NIN: variants seen among roughly 807,000 people sequenced by gnomAD.
NIN encodes ninein.
A neutral mutation model predicts 257.6 loss-of-function variants in NIN; 137 were observed. The ratio of observed to expected loss-of-function variants is 0.53; its 90% CI spans 0.46 to 0.61. NIN has a LOEUF of 0.61. Among genes scored for constraint, NIN ranks in the 20% least tolerant of loss-of-function variants. The pLI, the probability that NIN is intolerant of heterozygous loss-of-function variation, is 0.00. For missense variants in NIN, 2,439 were observed against 2,501.2 expected (o/e 0.98, Z 0.53); for synonymous variants, 918 against 919.8 (o/e 1.00, Z 0.04).
At chr14:50,763,709 AATTC>A in intron 15 of NIN, 113 bp downstream of exon 15, 16 of 755,748 alleles carry the variant, frequency 2.1e-5, no homozygotes, top group Admixed American at 3.9e-5. Flanking sequence ...AGTATGGCCA[AATTC>A]TTTTTTTTTT....
At chr14:50,732,678 C>T (rs1020272328) in intron 28 of NIN, among the ~76,000 whole-genome samples, 2 of 152,106 alleles carry the variant, frequency 1.3e-5, no homozygotes, top group Admixed American at 6.5e-5. Context: ...ATGCGAACTA[C>T]ATAATATGTG....
chr14:50,825,311 T>C (rs762004741), intron 2 of NIN, among the ~76,000 whole-genome samples: 1 of 152,224 alleles, frequency 6.6e-6, no homozygotes, highest in Non-Finnish European at 1.5e-5. Context: ...GTGTACTATG[T>C]ATATAAACAT....
At chr14:50,829,615 G>C (rs2045608486) in intron 2 of NIN, among the ~76,000 whole-genome samples, 1 of 152,210 alleles carries the variant, frequency 6.6e-6, no homozygotes, top group Non-Finnish European at 1.5e-5. Flanking sequence ...GCCCATCTTA[G>C]AAGTCCTCAA....
chr14:50,778,308 G>A (rs1444835877), intron 6 of NIN, among the ~76,000 whole-genome samples: 1 of 152,110 alleles, frequency 6.6e-6, no homozygotes, highest in Non-Finnish European at 1.5e-5. Context: ...CTTCTGAGTA[G>A]CTGGGACGAC....
At chr14:50,772,267 A>T (rs1272386873) in intron 9 of NIN, 34 bp downstream of exon 9, 1 of 1,550,840 alleles carries the variant, frequency 6.4e-7, no homozygotes, top group Non-Finnish European at 8.8e-7. Flanking sequence ...ACCCTTCTCC[A>T]GTTTGTCATT....
rs760111076 is a variant in NIN at position 50,757,763 on chromosome 14, A to C, written c.3267T>G (p.Ser1089=). ...ACTTTTGTAGCCTCTGTTGCAATCT[A>C]GAAATTTCAGTAGCCATTTTCACAT... ...KENVKMATEI[S]RLQQRLQKLE... The change falls in exon 18 of 31, where the codon TCT becomes TCG. Residue 1089 remains serine (S), a synonymous_variant. Transcript: ENST00000530997. 4 of 1,614,034 alleles carry C rather than the reference A, an allele frequency of 2.5e-6. No homozygotes were observed. In the African/African-American group the frequency reaches 5.3e-5, roughly 22 times the overall value.
intron 12 of NIN, among the ~76,000 whole-genome samples, chr14:50,769,086 G>C (rs1228346705): frequency 6.6e-6 from 1 of 152,200 alleles, no homozygotes; most frequent in Non-Finnish European, 1.5e-5. Context: ...TTTGATGTGT[G>C]GAGTATCAAG....
At position 50,723,660 on chromosome 14, in the gene NIN, T is replaced by C; in HGVS notation, c.6205A>G (p.Thr2069Ala). The C allele has an allele frequency of 1.2e-6, 2 of 1,613,840 alleles. No individual in the cohort carries two copies. The highest frequency in any genetic ancestry group is 8.5e-7 in the Non-Finnish European group (1 of 1,179,740). Residue 2069 changes from threonine to alanine, a missense_variant, in exon 31 of 31, where the codon ACT (threonine) becomes GCT (alanine). This residue lies in a region of NIN where 2,043 missense variants were observed against 2,050.2 expected (regional missense o/e 1.00). Transcript: ENST00000530997. ...NQLKEQLCKN[T>A]KADAMVKDLY... ...TCCTTCACCATTGCGTCTGCCTTAG[T>C]GTTCTTGCAGAGCTAGAAACAGAAC...
In NIN at chr14:50,757,151, C is replaced by T; in HGVS notation, c.3879G>A (p.Glu1293=). The stretch of plus-strand genomic sequence containing the variant: ...CAGTGACTTCCTCCATTTTCTTCAG[C>T]TCATCCTGCAACCTGAAAACCTCTG... ...LTAEVFRLQD[E]LKKMEEVTET... The change falls in exon 18 of 31, where the codon GAG becomes GAA. Residue 1293 remains glutamate (E), a synonymous_variant. Transcript: ENST00000530997. 1 of 1,612,594 alleles carries T rather than the reference C, an allele frequency of 6.2e-7. No homozygotes were observed. The highest frequency in any genetic ancestry group is 1.1e-5 in the South Asian group (1 of 90,798).
rs370154746 is a variant in NIN, at chr14:50,758,536, C to T, written c.2494G>A (p.Ala832Thr). ...CQKVTERCESALQSLEGRYRQ... is the reference protein window; with the variant it reads ...CQKVTERCESTLQSLEGRYRQ... ...TAGCGCCCCTCCAGGCTTTGCAGAG[C>T]GCTTTCACACCTCTCAGTGACTTTC... The change falls in exon 18 of 31, where the codon GCT becomes ACT. Residue 832 changes from alanine to threonine, a missense_variant. This residue lies in a region of NIN where 2,043 missense variants were observed against 2,050.2 expected (regional missense o/e 1.00). Coordinates refer to ENST00000530997, the MANE Select transcript of NIN (RefSeq NM_020921.4). 12 of 1,613,924 alleles carry T rather than the reference C, an allele frequency of 7.4e-6. No homozygotes were observed. The highest frequency in any genetic ancestry group is 6.7e-5 in the African/African-American group (5 of 74,926).
intron 3 of NIN, among the ~76,000 whole-genome samples, chr14:50,815,094 G>A (rs77367944): frequency 0.24 from 37,111 of 152,106 alleles, 4,664 homozygotes; most frequent in East Asian, 0.31. Flanking sequence ...TATCATTAGA[G>A]TGAACAGACA....
rs1312803005 is a variant in NIN, at chr14:50,806,776, A to G, written c.226T>C (p.Ser76Pro). The stretch of plus-strand genomic sequence containing the variant: ...TGTTCTTCATTTGACAGAGTTCTGG[A>G]CAAGATGAGTATTAATGCTTCTTTA... Reference protein sequence around the residue: ...QFKEALILILSRTLSNEEHFQ... With the variant: ...QFKEALILILPRTLSNEEHFQ... Residue 76 changes from serine to proline, a missense_variant, in exon 4 of 31, where the codon TCC becomes CCC. By Grantham distance (74) the Ser-to-Pro change is moderately conservative (BLOSUM62 -1). Coordinates refer to ENST00000530997, the MANE Select transcript of NIN (RefSeq NM_020921.4). The G allele has an allele frequency of 6.3e-7, 1 of 1,588,920 alleles. No homozygotes were observed. The highest frequency in any genetic ancestry group is 1.7e-5 in the Admixed American group (1 of 59,586).
intron 28 of NIN, among the ~76,000 whole-genome samples, chr14:50,734,086 ATTTTTTT>A (rs200910856): frequency 6.5e-5 from 9 of 138,322 alleles, no homozygotes; most frequent in African/African-American, 2.1e-4. Flanking sequence ...TTTCTTCTTT[ATTTTTTT>A]TTTTTTTTCT....
At chr14:50,748,165 C>T (rs1023260250) in intron 21 of NIN, 60 bp from the exon 22 acceptor site, 5 of 1,127,170 alleles carry the variant, frequency 4.4e-6, no homozygotes, top group South Asian at 1.3e-5. Flanking sequence ...GGGAAACTTA[C>T]CAGGTTCATA....
intron 28 of NIN, among the ~76,000 whole-genome samples, chr14:50,732,804 A>G (rs1039554279): frequency 2.0e-5 from 3 of 150,054 alleles, no homozygotes; most frequent in African/African-American, 7.4e-5. Flanking sequence ...CTCAGCTCAC[A>G]GCAACCTCCA....
intron 22 of NIN, among the ~76,000 whole-genome samples, chr14:50,744,790 C>G (rs891109493): frequency 3.3e-5 from 5 of 152,056 alleles, no homozygotes; most frequent in Non-Finnish European, 5.9e-5. Flanking sequence ...AATAATTAGC[C>G]AGGCGTGGTG....
intron 4 of NIN, among the ~76,000 whole-genome samples, chr14:50,796,006 G>T (rs1213961261): frequency 6.6e-6 from 1 of 152,142 alleles, no homozygotes; most frequent in Non-Finnish European, 1.5e-5. Flanking sequence ...AAAACAAAAA[G>T]AAATGCTATC....
intron 3 of NIN, among the ~76,000 whole-genome samples, chr14:50,810,653 A>AT: frequency 6.6e-6 from 1 of 152,128 alleles, no homozygotes; most frequent in East Asian, 1.9e-4. Context: ...TTAAAACTCT[A>AT]TTTTTTTTAA....
chr14:50,771,985 C>CA (rs1228102345), intron 9 of NIN: 7,380 of 183,824 alleles, frequency 0.04, 222 homozygotes, highest in African/African-American at 0.13. Context: ...GACTCCGTCT[C>CA]AAAAAAAAAA....
Sources: gnomAD v4.1 joint callset for allele counts (sites outside exome capture counted in the v4.1 genomes callset) on GRCh38, gnomAD v4.1.1 for gene constraint, gnomAD v4.1.1 regional missense constraint, MANE v1.5 for transcripts, NCBI Gene and HGNC (gene_info 2026-07-23, HGNC 2026-07-21) for gene names.